OR51E2: variants seen among roughly 807,000 people sequenced by gnomAD.
OR51E2 encodes the protein olfactory receptor 51E2.
Under a neutral mutation model 13.7 loss-of-function variants are expected in OR51E2, and 14 were observed. That is an observed-to-expected ratio of 1.02 (90% CI 0.68 to 1.60). The LOEUF is 1.60. Among genes scored for constraint, OR51E2 ranks in the 40% most tolerant of loss-of-function variants. The pLI is 0.00. For missense variants in OR51E2, 483 were observed against 413.8 expected, an observed-to-expected ratio of 1.17 and a Z score of -1.45; for synonymous variants, 180 against 157.6, an observed-to-expected ratio of 1.14 and a Z score of -1.07.
At chr11:4,683,988 C>A (rs1025398496) in intron 1 of OR51E2, among the ~76,000 whole-genome samples, 2 of 152,222 alleles carry the variant, frequency 1.3e-5, no homozygotes, top group African/African-American at 4.8e-5. Context: ...CCCCAGAATT[C>A]TTCACTCATC....
intron 1 of OR51E2, among the ~76,000 whole-genome samples, chr11:4,687,187 T>C (rs962201472): frequency 6.6e-6 from 1 of 152,198 alleles, no homozygotes; most frequent in South Asian, 2.1e-4. Flanking sequence ...CTTCTCTGGA[T>C]TTTTGTTTTT....
intron 1 of OR51E2, among the ~76,000 whole-genome samples, chr11:4,694,101 T>A (rs1847622034): frequency 6.6e-6 from 1 of 152,216 alleles, no homozygotes; most frequent in South Asian, 2.1e-4. Context: ...CTTAAAAAAA[T>A]TAAATTGCTA....
At chr11:4,696,183 G>A (rs1385266805) in intron 1 of OR51E2, among the ~76,000 whole-genome samples, 1 of 152,036 alleles carries the variant, frequency 6.6e-6, no homozygotes, top group Non-Finnish European at 1.5e-5. Context: ...AAATACTGTG[G>A]CTACCCCTGA....
In OR51E2 at chr11:4,681,350, C is replaced by CA. The variant is rs754884124; in HGVS notation, c.*398dup. The CA allele has an allele frequency of 0.067, 8,956 of 134,122 alleles. 144 individuals carry two copies. Among genetic ancestry groups the CA allele is most frequent in the Non-Finnish European group, 0.085 (5,839 of 68,652 alleles). The allele number at this position is 134,122 out of a possible 1,614,324, so 8.3% of individuals were successfully genotyped here. On this transcript the variant is annotated 3_prime_UTR_variant, in exon 2 of 2. Transcript: ENST00000396950. ...CTGGTGACAGAGCGAGACCCCATCT[C>CA]AAAAAAAAAAAAAGTTGTATGTGAC...
chr11:4,688,602 T>G (rs1847541963), intron 1 of OR51E2, among the ~76,000 whole-genome samples: 1 of 152,184 alleles, frequency 6.6e-6, no homozygotes, highest in Non-Finnish European at 1.5e-5. Context: ...ATCTGCCTTG[T>G]GCATTAAACT....
rs770087606 is a variant in OR51E2 at position 4,681,808 on chromosome 11, C to T, written c.904G>A (p.Val302Met). 1 of 1,614,178 alleles carries T rather than the reference C, an allele frequency of 6.2e-7. No individual in the cohort carries two copies. Among genetic ancestry groups the T allele is most frequent in the Non-Finnish European group, 8.5e-7 (1 of 1,180,026 alleles). Residue 302 changes from valine (V) to methionine (M), a missense_variant, in exon 2 of 2, where the codon GTG becomes ATG. Coordinates refer to ENST00000396950, the MANE Select transcript of OR51E2 (RefSeq NM_030774.4). ...GAKTKQIRTR[V>M]LAMFKISCDK... is the part of the protein sequence containing the mutation. Reference sequence around the variant, plus strand: ...CAGCTGATCTTGAACATAGCCAGCACCCGTGTTCTGATCTGTTTGGTTTTG... The same window carrying T: ...CAGCTGATCTTGAACATAGCCAGCATCCGTGTTCTGATCTGTTTGGTTTTG...
At chr11:4,683,208 T>C (rs1769464097) in intron 1 of OR51E2, among the ~76,000 whole-genome samples, 2 of 152,102 alleles carry the variant, frequency 1.3e-5, no homozygotes, top group African/African-American at 4.8e-5. Context: ...ATTTAATTCA[T>C]GAGAAAGGGA....
intron 1 of OR51E2, chr11:4,690,951 G>C (rs534131276): frequency 2.2e-6 from 1 of 454,180 alleles, no homozygotes; most frequent in Admixed American, 2.4e-5. Flanking sequence ...GTAATATATA[G>C]CAAAAGCCAC....
intron 1 of OR51E2, among the ~76,000 whole-genome samples, chr11:4,694,520 A>ATG (rs1399021365): frequency 0.029 from 4,218 of 144,156 alleles, 175 homozygotes; most frequent in East Asian, 0.22. Context: ...ATATATATAT[A>ATG]TACACACACA....
At chr11:4,694,228 G>A (rs938160822) in intron 1 of OR51E2, among the ~76,000 whole-genome samples, 6 of 151,478 alleles carry the variant, frequency 4.0e-5, no homozygotes, top group South Asian at 2.1e-4. Context: ...TTCTTGCCAA[G>A]AGATCATAAA....
At position 4,681,484 on chromosome 11, in the gene OR51E2, A is replaced by C. The variant is rs1013001148; in HGVS notation, c.*265T>G. 1.1e-4 allele frequency: 50 copies of C among 440,168 alleles called. No homozygotes were observed. The highest frequency in any genetic ancestry group is 2.0e-4 in the Non-Finnish European group (49 of 248,270). 27.3% of individuals were successfully genotyped at this position (440,168 alleles called of 1,614,324 possible). A position where few individuals can be genotyped will look rare whatever the true frequency, so the allele number is the denominator to read the frequency against. On this transcript the variant is annotated 3_prime_UTR_variant, in exon 2 of 2. Coordinates refer to ENST00000396950, the MANE Select transcript of OR51E2 (RefSeq NM_030774.4). ...TCCTCCAAGGCATATGCTATTTTTC[A>C]ACTTGGTTTCAATCATGTATCTTTA...
intron 1 of OR51E2, among the ~76,000 whole-genome samples, chr11:4,694,505 C>T (rs1300550454): frequency 7.0e-6 from 1 of 143,322 alleles, no homozygotes; most frequent in Non-Finnish European, 1.5e-5. Flanking sequence ...TATATATACA[C>T]ACACATATAT....
chr11:4,690,897 T>C, intron 1 of OR51E2: 1 of 456,538 alleles, frequency 2.2e-6, no homozygotes, highest in South Asian at 1.6e-5. Flanking sequence ...GGCTGGGGCT[T>C]GTTTCCCAAA....
intron 1 of OR51E2, among the ~76,000 whole-genome samples, chr11:4,694,597 CACAT>C (rs2133253575): frequency 6.6e-6 from 1 of 151,606 alleles, no homozygotes; most frequent in East Asian, 1.9e-4. Flanking sequence ...CACACACACA[CACAT>C]ATGCAGGGAG....
At chr11:4,692,381 G>A (rs970367209) in intron 1 of OR51E2, among the ~76,000 whole-genome samples, 1 of 152,216 alleles carries the variant, frequency 6.6e-6, no homozygotes, top group Admixed American at 6.5e-5. Flanking sequence ...ACAGGAGGCT[G>A]CCCCCACCTG....
chr11:4,695,213 C>A (rs749075859), intron 1 of OR51E2, among the ~76,000 whole-genome samples: 1 of 152,210 alleles, frequency 6.6e-6, no homozygotes, highest in Non-Finnish European at 1.5e-5. Flanking sequence ...TTATTGACCA[C>A]TGGAAGCAAG....
intron 1 of OR51E2, chr11:4,691,558 A>G (rs909608960): frequency 3.3e-5 from 15 of 456,926 alleles, no homozygotes; most frequent in Non-Finnish European, 5.3e-5. Flanking sequence ...ATGGTAGCGA[A>G]GAGGATCAGG....
At position 4,682,688 on chromosome 11, in the gene OR51E2, A is replaced by G; in HGVS notation, c.24T>C (p.His8=). Residue 8 remains histidine, a synonymous_variant, in exon 2 of 2, where the codon CAT becomes CAC. Transcript: ENST00000396950. ...GGATACCAATAAGCACAAAGGTGGCATGTGTGAAGTTGCAGGAACTCATAG... is the reference window on the plus strand; with the variant it reads ...GGATACCAATAAGCACAAAGGTGGCGTGTGTGAAGTTGCAGGAACTCATAG... MSSCNFT[H]ATFVLIGIPG... 6.2e-7 allele frequency: 1 copy of G among 1,613,920 alleles called. No homozygotes were observed. The highest frequency in any genetic ancestry group is 8.5e-7 in the Non-Finnish European group (1 of 1,179,804).
At chr11:4,692,718 GAA>G (rs1358194280) in intron 1 of OR51E2, among the ~76,000 whole-genome samples, 1 of 152,040 alleles carries the variant, frequency 6.6e-6, no homozygotes, top group East Asian at 1.9e-4. Context: ...TTCTTCAGAG[GAA>G]AAGAAAGGGT....
Sources: gnomAD v4.1 joint callset for allele counts (sites outside exome capture counted in the v4.1 genomes callset) on GRCh38, gnomAD v4.1.1 for gene constraint, MANE v1.5 for transcripts, NCBI Gene and HGNC (gene_info 2026-07-23, HGNC 2026-07-21) for gene names.